PTCHD4: variants seen among roughly 807,000 people sequenced by gnomAD.
PTCHD4 encodes the protein patched domain containing 4.
A neutral mutation model predicts 58.1 loss-of-function variants in PTCHD4; 33 were observed. The observed-to-expected ratio is 0.57, with a 90% CI of 0.43 to 0.76. PTCHD4 has a LOEUF of 0.76. PTCHD4 is among the 30% of genes least tolerant of loss of function. The pLI, the probability that PTCHD4 is intolerant of heterozygous loss-of-function variation, is 0.00. For missense variants in PTCHD4, 1,058 were observed against 1,027.1 expected, an observed-to-expected ratio of 1.03 and a Z score of -0.41; for synonymous variants, 478 against 409.6, an observed-to-expected ratio of 1.17 and a Z score of -2.02.
chr6:47,955,383 C>T (rs531163940), intron 4 of PTCHD4, among the ~76,000 whole-genome samples: 3 of 152,120 alleles, frequency 2.0e-5, no homozygotes, highest in East Asian at 3.9e-4. Flanking sequence ...CAAAGGCTCT[C>T]GAATTATGAG....
At chr6:48,027,916 G>A (rs967873252) in intron 3 of PTCHD4, among the ~76,000 whole-genome samples, 53 of 152,066 alleles carry the variant, frequency 3.5e-4, no homozygotes, top group African/African-American at 1.2e-3. Flanking sequence ...AAGCAGGCAA[G>A]GAAACCAGGA....
intron 4 of PTCHD4, among the ~76,000 whole-genome samples, chr6:47,982,481 C>CTTTTTT (rs375869071): frequency 3.0e-4 from 39 of 130,794 alleles, no homozygotes; most frequent in Non-Finnish European, 3.6e-4. Flanking sequence ...TTATCTCTCT[C>CTTTTTT]TTTTTTTTTT....
In PTCHD4 at chr6:47,877,643, G is replaced by A. The variant is rs974481488; in HGVS notation, c.*660C>T. ...TGAGACACTTGGGTTGATTTAGAAC[G>A]GCTATTAATGAATCTATAAATTTGG... On this transcript the variant is annotated 3_prime_UTR_variant, in exon 5 of 5. Transcript: ENST00000339488. 2.0e-5 allele frequency among the ~76,000 whole-genome samples: 3 copies of A among 152,004 alleles called. No homozygotes were observed. The highest frequency in any genetic ancestry group is 2.9e-5 in the Non-Finnish European group (2 of 67,982).
At chr6:47,999,132 TA>T (rs948837796) in intron 4 of PTCHD4, among the ~76,000 whole-genome samples, 1 of 152,110 alleles carries the variant, frequency 6.6e-6, no homozygotes, top group African/African-American at 2.4e-5. Flanking sequence ...ATTCACTCAT[TA>T]AAGAGCTAAA....
intron 1 of PTCHD4, among the ~76,000 whole-genome samples, chr6:48,110,265 A>G (rs943507121): frequency 3.1e-4 from 47 of 152,344 alleles, no homozygotes; most frequent in African/African-American, 1.1e-3. Context: ...ACACACACAC[A>G]ATTAAATACT....
chr6:47,946,520 T>G (rs1270842139), intron 4 of PTCHD4, among the ~76,000 whole-genome samples: 2 of 152,172 alleles, frequency 1.3e-5, no homozygotes, highest in African/African-American at 4.8e-5. Context: ...TGCCTTTGGT[T>G]ATTATTGGCT....
chr6:48,027,189 TA>T (rs1582042611), intron 3 of PTCHD4, among the ~76,000 whole-genome samples: 1 of 152,120 alleles, frequency 6.6e-6, no homozygotes, highest in Non-Finnish European at 1.5e-5. Context: ...GGAATCCCTT[TA>T]AAAAGTTCTA....
Position 47,878,483 on chromosome 6 carries a change from G to A in PTCHD4, c.2352C>T (p.Cys784=). ...GTGTGCAACCCCCAGTGAGCAGCAA[G>A]CATTTGAACAGTGTGAAGGTCAGGT... is the stretch of plus-strand genomic sequence containing the variant. ...PSNLTFTLFK[C]LLLTGGCTLL... is the part of the protein sequence containing the mutation. Residue 784 remains cysteine (C), a synonymous_variant, in exon 5 of 5, where the codon TGC becomes TGT. Transcript: ENST00000339488. The A allele has an allele frequency of 6.2e-7, 1 of 1,613,504 alleles. No homozygotes were observed. Among genetic ancestry groups the A allele is most frequent in the South Asian group, 1.1e-5 (1 of 91,074 alleles).
intron 3 of PTCHD4, among the ~76,000 whole-genome samples, chr6:48,031,774 A>T (rs1763453326): frequency 6.6e-6 from 1 of 152,170 alleles, no homozygotes; most frequent in Non-Finnish European, 1.5e-5. Flanking sequence ...ATTCTAAGGG[A>T]TGACAACCCA....
intron 4 of PTCHD4, among the ~76,000 whole-genome samples, chr6:47,911,159 G>A (rs1276929089): frequency 6.6e-6 from 1 of 152,152 alleles, no homozygotes; most frequent in African/African-American, 2.4e-5. Flanking sequence ...TCTTCAGCTA[G>A]CTTTGGTCAA....
At chr6:48,051,597 TC>T (rs1764237113) in intron 3 of PTCHD4, among the ~76,000 whole-genome samples, 1 of 152,068 alleles carries the variant, frequency 6.6e-6, no homozygotes, top group East Asian at 1.9e-4. Context: ...TATTTCTTGG[TC>T]CATACCCATA....
chr6:48,027,739 A>G (rs1359743695), intron 3 of PTCHD4, among the ~76,000 whole-genome samples: 1 of 152,148 alleles, frequency 6.6e-6, no homozygotes, highest in African/African-American at 2.4e-5. Flanking sequence ...GAAGAAGTGT[A>G]TGACTATGAG....
chr6:47,888,415 T>G (rs1264583611), intron 4 of PTCHD4, among the ~76,000 whole-genome samples: 1 of 152,018 alleles, frequency 6.6e-6, no homozygotes, highest in Non-Finnish European at 1.5e-5. Context: ...AGGAAATAAT[T>G]ATGAGCATGA....
intron 4 of PTCHD4, among the ~76,000 whole-genome samples, chr6:47,919,261 T>TCTAATGATGAA (rs761557959): frequency 6.6e-6 from 1 of 152,196 alleles, no homozygotes; most frequent in Non-Finnish European, 1.5e-5. Flanking sequence ...CAGTCACTGT[T>TCTAATGATGAA]CTAATGATGA....
chr6:47,921,614 G>A (rs1765435697), intron 4 of PTCHD4, among the ~76,000 whole-genome samples: 1 of 152,082 alleles, frequency 6.6e-6, no homozygotes, highest in Non-Finnish European at 1.5e-5. Context: ...AGTGCCATGA[G>A]CTCTTTACCA....
intron 3 of PTCHD4, among the ~76,000 whole-genome samples, chr6:48,040,982 C>T (rs1387669973): frequency 6.6e-6 from 1 of 152,058 alleles, no homozygotes; most frequent in East Asian, 1.9e-4. Context: ...TTAATATATA[C>T]ATTATATATA....
intron 4 of PTCHD4, among the ~76,000 whole-genome samples, chr6:47,906,349 G>A (rs974345317): frequency 6.6e-6 from 1 of 152,204 alleles, no homozygotes; most frequent in South Asian, 2.1e-4. Flanking sequence ...AGTCCACCAA[G>A]CCTCAGTCTT....
chr6:47,992,970 G>A (rs528284544), intron 4 of PTCHD4, among the ~76,000 whole-genome samples: 1 of 152,178 alleles, frequency 6.6e-6, no homozygotes, highest in Non-Finnish European at 1.5e-5. Flanking sequence ...AAGGACTTCA[G>A]GGTGAGTGTG....
intron 4 of PTCHD4, among the ~76,000 whole-genome samples, chr6:48,005,342 C>G (rs12210917): frequency 2.0e-5 from 3 of 152,024 alleles, no homozygotes; most frequent in African/African-American, 7.2e-5. Flanking sequence ...AATAAATATT[C>G]ACTATCTCAA....
Sources: gnomAD v4.1 joint callset for allele counts (sites outside exome capture counted in the v4.1 genomes callset) on GRCh38, gnomAD v4.1.1 for gene constraint, MANE v1.5 for transcripts, NCBI Gene and HGNC (gene_info 2026-07-23, HGNC 2026-07-21) for gene names.